ZNF516: variants seen among roughly 807,000 people sequenced by gnomAD.
The protein encoded by ZNF516 is zinc finger protein 516.
Under a neutral mutation model 79.7 loss-of-function variants are expected in ZNF516, and 19 were observed. The observed-to-expected ratio is 0.24, with a 90% CI of 0.17 to 0.35. The LOEUF (loss-of-function observed/expected upper bound fraction) is 0.35. Ranked by LOEUF, ZNF516 falls within the 10% of genes least tolerant of loss-of-function variation. The pLI is 1.00. For missense variants in ZNF516, 1,678 were observed against 1,679.5 expected (o/e 1.00, Z 0.02); for synonymous variants, 877 against 739.5 (o/e 1.19, Z -3.02).
At position 76,379,220 on chromosome 18, in the gene ZNF516, G is replaced by C. The variant is rs775101945; in HGVS notation, c.2894C>G (p.Thr965Arg). Residue 965 changes from threonine to arginine, a missense_variant, in exon 4 of 7, where the codon ACA becomes AGA. This residue lies in a region of ZNF516 where 1,294 missense variants were observed against 1,248.3 expected (regional missense o/e 1.04). Coordinates refer to ENST00000443185, the MANE Select transcript of ZNF516 (RefSeq NM_014643.4). ...GGAGTCCGGGGCACTGTGCTTATTT[G>C]TGGGGGCAAAGCCAGCCCCCGCTGG... is the stretch of plus-strand genomic sequence containing the variant. ...VPPAGAGFAP[T>R]NKHSAPDSLK... is the part of the protein sequence containing the mutation. 3 of 1,612,846 alleles carry C rather than the reference G, an allele frequency of 1.9e-6. No homozygotes were observed. Among genetic ancestry groups the C allele is most frequent in the South Asian group, 2.2e-5 (2 of 91,086 alleles).
chr18:76,457,258 T>C (rs914154048), intron 2 of ZNF516, among the ~76,000 whole-genome samples: 1 of 152,264 alleles, frequency 6.6e-6, no homozygotes, highest in African/African-American at 2.4e-5. Flanking sequence ...AATTTTAAGC[T>C]TTCTCTCCTT....
In ZNF516 at chr18:76,451,317, G is replaced by T. The variant is rs1186660871; in HGVS notation, c.-157-8106C>A. ...TCTGACCACCTTCCGGGGGCGGGGG[G>T]GGCACCGATGTCAGCCCGGGATGGA... On this transcript the variant is annotated intron_variant, in intron 2 of 6. Coordinates refer to ENST00000443185, the MANE Select transcript of ZNF516 (RefSeq NM_014643.4). The surrounding 1 kb of genome is among the most constrained non-coding windows in gnomAD (Gnocchi z 6.0). Among the ~76,000 whole-genome samples, 1 of 152,176 alleles carries T rather than the reference G, an allele frequency of 6.6e-6. No individual in the cohort carries two copies. Among genetic ancestry groups the T allele is most frequent in the Non-Finnish European group, 1.5e-5 (1 of 68,028 alleles).
chr18:76,363,417 T>C (rs2074567936), intron 6 of ZNF516, among the ~76,000 whole-genome samples: 1 of 152,192 alleles, frequency 6.6e-6, no homozygotes, highest in Admixed American at 6.5e-5. Context: ...CTGGTTGACA[T>C]AATGAATTAA....
intron 1 of ZNF516, among the ~76,000 whole-genome samples, chr18:76,484,948 C>T (rs1335583537): frequency 6.6e-6 from 1 of 152,160 alleles, no homozygotes; most frequent in Non-Finnish European, 1.5e-5. Context: ...AATTTTAATC[C>T]TACCACTAAA....
intron 1 of ZNF516, among the ~76,000 whole-genome samples, chr18:76,471,408 A>G (rs1286941790): frequency 1.3e-5 from 2 of 152,016 alleles, no homozygotes; most frequent in African/African-American, 4.8e-5. Context: ...TCCTGGGCCA[A>G]CTCTCATTTC....
chr18:76,466,031 T>A (rs1913442911), intron 1 of ZNF516, among the ~76,000 whole-genome samples: 1 of 152,102 alleles, frequency 6.6e-6, no homozygotes, highest in African/African-American at 2.4e-5. Flanking sequence ...CATTTTCAAT[T>A]TAAAGAGGCC....
chr18:76,379,491 A>G lies in ZNF516; in HGVS notation c.2623T>C (p.Cys875Arg). 1.2e-6 allele frequency: 2 copies of G among 1,613,716 alleles called. No individual in the cohort carries two copies. The highest frequency in any genetic ancestry group is 1.7e-6 in the Non-Finnish European group (2 of 1,179,896). ...TCAGGGCCGGGCGCCCACAGAGCGC[A>G]GGGACCTCCGGAATGGCTCTCCTTA... The part of the protein sequence containing the change: ...KNKESHSGGP[C>R]ALWAPGPDGY... The change falls in exon 4 of 7, where the codon TGC (cysteine) becomes CGC (arginine). Residue 875 changes from cysteine (C) to arginine (R), a missense_variant. By Grantham distance (180) the Cys-to-Arg change is radical. Transcript: ENST00000443185.
intron 4 of ZNF516, among the ~76,000 whole-genome samples, chr18:76,375,338 G>T (rs1422947007): frequency 6.6e-6 from 1 of 151,428 alleles, no homozygotes; most frequent in Non-Finnish European, 1.5e-5. Flanking sequence ...CAGAGAACAG[G>T]TAGAAGGATG....
chr18:76,476,605 TA>T (rs1219891239), intron 1 of ZNF516, among the ~76,000 whole-genome samples: 2 of 152,198 alleles, frequency 1.3e-5, no homozygotes, highest in East Asian at 3.8e-4. Context: ...TAAAGCATAT[TA>T]AACAGTGGTC....
chr18:76,433,119 C>T (rs1366502518), intron 3 of ZNF516, among the ~76,000 whole-genome samples: 1 of 152,224 alleles, frequency 6.6e-6, no homozygotes, highest in African/African-American at 2.4e-5. Context: ...TAAATACTAA[C>T]TGTAAGGCCA....
intron 6 of ZNF516, among the ~76,000 whole-genome samples, chr18:76,365,454 C>T (rs942519975): frequency 6.6e-6 from 1 of 152,102 alleles, no homozygotes; most frequent in East Asian, 1.9e-4. Context: ...AAAGAAACTT[C>T]CTAGTTTTTC....
chr18:76,403,725 G>A (rs577371087), intron 3 of ZNF516, among the ~76,000 whole-genome samples: 1 of 152,270 alleles, frequency 6.6e-6, no homozygotes, highest in East Asian at 1.9e-4. Flanking sequence ...TAACCTGAGT[G>A]AGAAATCACA....
At chr18:76,389,782 A>G (rs2075045150) in intron 3 of ZNF516, among the ~76,000 whole-genome samples, 1 of 152,156 alleles carries the variant, frequency 6.6e-6, no homozygotes, top group African/African-American at 2.4e-5. Context: ...GCAAGCAGCT[A>G]TTTCACTCTG....
At chr18:76,378,800 G>C in intron 4 of ZNF516, 55 bp downstream of exon 4, 13 of 1,569,094 alleles carry the variant, frequency 8.3e-6, no homozygotes, top group Non-Finnish European at 1.1e-5. Flanking sequence ...GGCCCTCCGG[G>C]GGTGGTTCTG....
At chr18:76,475,566 T>C (rs1440373797) in intron 1 of ZNF516, among the ~76,000 whole-genome samples, 2 of 152,184 alleles carry the variant, frequency 1.3e-5, no homozygotes, top group Non-Finnish European at 2.9e-5. Flanking sequence ...AAGAGAAAGC[T>C]GATAGCAGCC....
intron 3 of ZNF516, among the ~76,000 whole-genome samples, chr18:76,404,331 GTGTGTA>G (rs1034704959): frequency 1.7e-5 from 2 of 118,296 alleles, no homozygotes; most frequent in Non-Finnish European, 3.9e-5. Flanking sequence ...CATGTGGACC[GTGTGTA>G]TGTGTGAGTG....
In ZNF516 at chr18:76,488,276, T is replaced by C. The variant is rs187652452; in HGVS notation, c.-272+6868A>G. On this transcript the variant is annotated intron_variant, in intron 1 of 6. Coordinates refer to ENST00000443185, the MANE Select transcript of ZNF516 (RefSeq NM_014643.4). ...TAAATACAGTAATAAAATTAGTTCTTCACGTTTAGCCATTAACAATGCTGG... is the reference window on the plus strand; with the variant it reads ...TAAATACAGTAATAAAATTAGTTCTCCACGTTTAGCCATTAACAATGCTGG... 11 of 982,456 alleles carry C rather than the reference T, an allele frequency of 1.1e-5. No individual in the cohort carries two copies. The East Asian group carries it at 1.2e-3, about 112-fold the overall frequency. The allele number at this position is 982,456 out of a possible 1,614,324, so 60.9% of individuals were successfully genotyped here. A position where few individuals can be genotyped will look rare whatever the true frequency, so the allele number is the denominator to read the frequency against.
chr18:76,406,595 C>T (rs2075307226), intron 3 of ZNF516, among the ~76,000 whole-genome samples: 2 of 152,066 alleles, frequency 1.3e-5, no homozygotes, highest in South Asian at 4.1e-4. Flanking sequence ...AAACAAGAAA[C>T]CATAAAGCCA....
rs776977927 is a variant in ZNF516 at position 76,360,632 on chromosome 18, T to TAAAAAAAAAAAAAA, written c.*1852_*1865dup. Reference sequence around the variant, plus strand: ...TGTAAGAATATCAGAAAAAAATAAGTAAAAAAAAAAAAAAATATATATATA... The same window carrying TAAAAAAAAAAAAAA: ...TGTAAGAATATCAGAAAAAAATAAGTAAAAAAAAAAAAAAAAAAAAAAAAAAAAATATATATATA... On this transcript the variant is annotated 3_prime_UTR_variant, in exon 7 of 7. Transcript: ENST00000443185. The TAAAAAAAAAAAAAA allele has an allele frequency of 1.2e-4, 3 of 25,714 alleles. No individual in the cohort carries two copies. The highest frequency in any genetic ancestry group is 1.2e-3 in the East Asian group (1 of 830). 1.6% of individuals were successfully genotyped at this position (25,714 alleles called of 1,614,324 possible).
Sources: gnomAD v4.1 joint callset for allele counts (sites outside exome capture counted in the v4.1 genomes callset) on GRCh38, gnomAD v4.1.1 for gene constraint, gnomAD v4.1.1 regional missense constraint, Gnocchi (gnomAD v3.1) non-coding constraint, MANE v1.5 for transcripts, NCBI Gene and HGNC (gene_info 2026-07-23, HGNC 2026-07-21) for gene names.